Variants in SGCZ observed in about 807,000 individuals in gnomAD.
The protein encoded by SGCZ is sarcoglycan zeta.
SGCZ carries 40 observed loss-of-function variants against 41.3 expected under a neutral mutation model. The ratio of observed to expected loss-of-function variants is 0.97; its 90% confidence interval spans 0.75 to 1.26. The LOEUF is 1.26. Among genes scored for constraint, SGCZ ranks in the 50% most tolerant of loss-of-function variants. SGCZ has a pLI of 0.00. For missense variants in SGCZ, 552 were observed against 369.8 expected (o/e 1.49, Z -4.04); for synonymous variants, 206 against 137.5 (o/e 1.50, Z -3.49).
intron 1 of SGCZ, among the ~76,000 whole-genome samples, chr8:14,778,434 A>G (rs1432460447): frequency 6.6e-6 from 1 of 152,192 alleles, no homozygotes; most frequent in Non-Finnish European, 1.5e-5. Flanking sequence ...CTGGGAAAAC[A>G]GTCCATAGTT....
intron 3 of SGCZ, chr8:14,309,200 C>T (rs370500279): frequency 8.8e-6 from 13 of 1,485,354 alleles, no homozygotes; most frequent in East Asian, 4.5e-5. Flanking sequence ...AAACCTGCTG[C>T]GGCTGATCTC....
intron 1 of SGCZ, among the ~76,000 whole-genome samples, chr8:14,657,434 T>A (rs1447327462): frequency 6.6e-6 from 1 of 152,126 alleles, no homozygotes; most frequent in East Asian, 1.9e-4. Flanking sequence ...TTTGACTTTT[T>A]AAAGTATTTT....
chr8:15,127,298 A>G (rs1025784915), intron 1 of SGCZ, among the ~76,000 whole-genome samples: 6 of 151,616 alleles, frequency 4.0e-5, no homozygotes, highest in Admixed American at 3.3e-4. Flanking sequence ...ATATACATAC[A>G]TGGCATACCA....
At chr8:14,260,647 C>T (rs1006642153) in intron 3 of SGCZ, among the ~76,000 whole-genome samples, 3 of 151,576 alleles carry the variant, frequency 2.0e-5, no homozygotes, top group African/African-American at 7.3e-5. Flanking sequence ...CACATGCACA[C>T]GTATGTTTAT....
At chr8:15,158,526 A>C (rs1799404083) in intron 1 of SGCZ, among the ~76,000 whole-genome samples, 1 of 152,262 alleles carries the variant, frequency 6.6e-6, no homozygotes, top group South Asian at 2.1e-4. Context: ...AGTAGTAAGA[A>C]GAAAAAATAT....
chr8:14,980,456 G>A (rs778173332), intron 1 of SGCZ, among the ~76,000 whole-genome samples: 9 of 152,124 alleles, frequency 5.9e-5, no homozygotes, highest in Non-Finnish European at 1.2e-4. Context: ...ATCTATCTGT[G>A]TTAGTCTGTT....
chr8:14,518,582 AC>A (rs1802694452), intron 2 of SGCZ, among the ~76,000 whole-genome samples: 1 of 152,106 alleles, frequency 6.6e-6, no homozygotes, highest in South Asian at 2.1e-4. Context: ...AGAATTCCTT[AC>A]TGGGTTTGAA....
intron 2 of SGCZ, among the ~76,000 whole-genome samples, chr8:14,505,687 T>C (rs1208000088): frequency 2.0e-5 from 3 of 152,190 alleles, no homozygotes. Flanking sequence ...ACATGCCAGT[T>C]AACCACTGTG....
intron 1 of SGCZ, among the ~76,000 whole-genome samples, chr8:15,081,513 C>A: frequency 6.8e-6 from 1 of 147,318 alleles, no homozygotes. Context: ...TTTTTACCCT[C>A]AATAAAGCAT....
chr8:14,210,919 G>T (rs1585235556), intron 4 of SGCZ, among the ~76,000 whole-genome samples: 1 of 151,990 alleles, frequency 6.6e-6, no homozygotes, highest in South Asian at 2.1e-4. Context: ...TCAGTATTTT[G>T]CAAGCCAGTC....
intron 1 of SGCZ, among the ~76,000 whole-genome samples, chr8:14,826,238 C>T (rs1349890380): frequency 6.6e-6 from 1 of 152,084 alleles, no homozygotes; most frequent in Non-Finnish European, 1.5e-5. Context: ...CCAGCTTCAT[C>T]CATGTCCCTA....
Position 14,482,577 on chromosome 8 carries a change from G to A in SGCZ, c.234+72155C>T, listed in dbSNP as rs549976719. ...GGTGTGGTGGTTAATTTTCTGCTTCGACTTGACTGGGTTACAGGATGCCCA... is the reference window on the plus strand; with the variant it reads ...GGTGTGGTGGTTAATTTTCTGCTTCAACTTGACTGGGTTACAGGATGCCCA... On this transcript the variant is annotated intron_variant, in intron 2 of 7. Coordinates refer to ENST00000382080, the MANE Select transcript of SGCZ (RefSeq NM_139167.4). 1.2e-4 allele frequency among the ~76,000 whole-genome samples: 19 copies of A among 152,154 alleles called. No individual in the cohort carries two copies. In the East Asian group the frequency reaches 1.9e-3, roughly 16 times the overall value.
At chr8:14,377,007 T>G (rs1278976067) in intron 2 of SGCZ, among the ~76,000 whole-genome samples, 1 of 152,194 alleles carries the variant, frequency 6.6e-6, no homozygotes, top group Non-Finnish European at 1.5e-5. Flanking sequence ...GGAACCCCTT[T>G]TGTTATACAC....
chr8:14,885,985 T>TTTTATATA (rs1491416864), intron 1 of SGCZ, among the ~76,000 whole-genome samples: 2 of 55,976 alleles, frequency 3.6e-5, no homozygotes. Context: ...GGACTTTATG[T>TTTTATATA]TATATATATA....
chr8:14,871,355 T>C (rs1349709802), intron 1 of SGCZ, among the ~76,000 whole-genome samples: 2 of 152,078 alleles, frequency 1.3e-5, no homozygotes, highest in African/African-American at 4.8e-5. Flanking sequence ...GAACAAGAAA[T>C]ACCATTTGAC....
chr8:14,243,708 C>G (rs939224048), intron 3 of SGCZ, among the ~76,000 whole-genome samples: 2 of 152,034 alleles, frequency 1.3e-5, no homozygotes, highest in African/African-American at 4.8e-5. Context: ...AATTCTTATC[C>G]ATGTCTCTTT....
chr8:14,243,828 G>T (rs982329443), intron 3 of SGCZ, among the ~76,000 whole-genome samples: 2 of 152,082 alleles, frequency 1.3e-5, no homozygotes, highest in East Asian at 1.9e-4. Context: ...CAGTTCCTCA[G>T]TCAGTGTTGA....
chr8:15,189,771 G>C (rs746922939), intron 1 of SGCZ, among the ~76,000 whole-genome samples: 14 of 152,024 alleles, frequency 9.2e-5, no homozygotes, highest in Non-Finnish European at 1.5e-5. Context: ...GGCTGGTGTT[G>C]AACTCCTGAC....
chr8:14,676,247 GGATCTCTTAAGGCCAATGCAGAAA>G (rs1323734589), intron 1 of SGCZ, among the ~76,000 whole-genome samples: 38 of 152,242 alleles, frequency 2.5e-4, no homozygotes, highest in East Asian at 1.7e-3. Context: ...CAATGCAGAA[GGATCTCTTAAGGCCAATGCAGAAA>G]GATCTCTTAA....
Sources: gnomAD v4.1 joint callset for allele counts (sites outside exome capture counted in the v4.1 genomes callset) on GRCh38, gnomAD v4.1.1 for gene constraint, MANE v1.5 for transcripts, NCBI Gene and HGNC (gene_info 2026-07-23, HGNC 2026-07-21) for gene names.